The following MALT1 variants were observed in gnomAD, a reference collection of about 807,000 sequenced individuals.
MALT1 encodes MALT1 paracaspase, also known as mucosa-associated lymphoid tissue lymphoma translocation protein 1.
In MALT1, 36 loss-of-function variants were observed where a neutral mutation model predicts 85.5. The ratio of observed to expected loss-of-function variants is 0.42; its 90% confidence interval spans 0.32 to 0.56. The LOEUF (loss-of-function observed/expected upper bound fraction) is 0.56, where lower values mean the gene tolerates loss of function less well. Ranked by LOEUF, MALT1 falls within the 20% of genes least tolerant of loss-of-function variation. The pLI is 0.10. For synonymous variants in MALT1, 359 were observed against 361.3 expected (o/e 0.99, Z 0.07); for missense variants, 716 against 981.6 (o/e 0.73, Z 3.62).
At chr18:58,734,880 A>AT (rs2144465145) in intron 12 of MALT1, among the ~76,000 whole-genome samples, 2 of 152,356 alleles carry the variant, frequency 1.3e-5, no homozygotes, top group South Asian at 4.1e-4. Context: ...TTTTTAAAAA[A>AT]TTATTTTTAT....
intron 14 of MALT1, among the ~76,000 whole-genome samples, chr18:58,742,717 A>G (rs147207111): frequency 7.7e-4 from 117 of 152,312 alleles, no homozygotes; most frequent in African/African-American, 2.7e-3. Flanking sequence ...TGTCTCGAAA[A>G]GAAAAAGAAA....
At position 58,748,534 on chromosome 18, in the gene MALT1, A is replaced by G. The variant is rs2055404681; in HGVS notation, c.*692A>G. The stretch of plus-strand genomic sequence containing the variant: ...GAACAGGCTGAAATTTCTTGTTCAT[A>G]AGATTATGAAACCACATGAGAAGTG... On this transcript the variant is annotated 3_prime_UTR_variant, in exon 17 of 17. Coordinates refer to ENST00000649217, the MANE Select transcript of MALT1 (RefSeq NM_006785.4). 5.3e-6 allele frequency: 1 copy of G among 187,788 alleles called. No individual in the cohort carries two copies. Among genetic ancestry groups the G allele is most frequent in the East Asian group, 8.4e-5 (1 of 11,912 alleles). The allele number at this position is 187,788 out of a possible 1,614,324, so 11.6% of individuals were successfully genotyped here. A position where few individuals can be genotyped will look rare whatever the true frequency, so the allele number is the denominator to read the frequency against.
At chr18:58,746,977 G>A (rs1029094759) in intron 16 of MALT1, among the ~76,000 whole-genome samples, 16 of 152,084 alleles carry the variant, frequency 1.1e-4, no homozygotes, top group African/African-American at 2.7e-4. Flanking sequence ...ATCCATCTGC[G>A]TCATCCTCCC....
intron 10 of MALT1, among the ~76,000 whole-genome samples, chr18:58,728,711 G>A (rs2055101314): frequency 6.6e-6 from 1 of 152,126 alleles, no homozygotes; most frequent in Non-Finnish European, 1.5e-5. Flanking sequence ...CTTTGATACA[G>A]AATAGTTACA....
chr18:58,751,037 T>C lies in MALT1; in HGVS notation c.*3195T>C, dbSNP rs2055439182. The stretch of plus-strand genomic sequence containing the variant: ...GTTACCACCGAGCAGCACTGTCCAG[T>C]GAACTTGCTGTGATGATGGGATGCT... On this transcript the variant is annotated 3_prime_UTR_variant, in exon 17 of 17. Coordinates refer to ENST00000649217, the MANE Select transcript of MALT1 (RefSeq NM_006785.4). 6.6e-6 allele frequency: 1 copy of C among 152,242 alleles called. No homozygotes were observed. The highest frequency in any genetic ancestry group is 2.4e-5 in the African/African-American group (1 of 41,464). 9.4% of individuals were successfully genotyped at this position (152,242 alleles called of 1,614,324 possible).
At chr18:58,689,694 T>C (rs2054466877) in intron 2 of MALT1, among the ~76,000 whole-genome samples, 1 of 151,892 alleles carries the variant, frequency 6.6e-6, no homozygotes, top group South Asian at 2.1e-4. Flanking sequence ...GGTGGGAGGG[T>C]ACCTAATTTA....
chr18:58,692,442 C>T (rs1355939300), intron 2 of MALT1, among the ~76,000 whole-genome samples: 8 of 16,732 alleles, frequency 4.8e-4, no homozygotes, highest in Non-Finnish European at 9.4e-4. Flanking sequence ...CTCTCACTCT[C>T]TCCCTCCCTC....
At chr18:58,707,964 A>G (rs138112560) in intron 4 of MALT1, among the ~76,000 whole-genome samples, 2 of 152,272 alleles carry the variant, frequency 1.3e-5, no homozygotes, top group Non-Finnish European at 2.9e-5. Flanking sequence ...TCTCCACTTT[A>G]CATCCAGAGT....
chr18:58,742,468 AG>A (rs2055314427), intron 14 of MALT1, among the ~76,000 whole-genome samples: 1 of 152,300 alleles, frequency 6.6e-6, no homozygotes, highest in African/African-American at 2.4e-5. Flanking sequence ...GCACTTTGGG[AG>A]GCCAAGGCAG....
At position 58,748,100 on chromosome 18, in the gene MALT1, A is replaced by G. The variant is rs533728881; in HGVS notation, c.*258A>G. On this transcript the variant is annotated 3_prime_UTR_variant, in exon 17 of 17. Coordinates refer to ENST00000649217, the MANE Select transcript of MALT1 (RefSeq NM_006785.4). ...TGGAGGTGTGTATGTTTATATGTATATAACAAAATATTTTCATTGTGACCA... is the reference window on the plus strand; with the variant it reads ...TGGAGGTGTGTATGTTTATATGTATGTAACAAAATATTTTCATTGTGACCA... 93 of 413,686 alleles carry G rather than the reference A, an allele frequency of 2.2e-4. 8 individuals are homozygous for G. The South Asian group carries it at 2.8e-3, about 12-fold the overall frequency. The allele number at this position is 413,686 out of a possible 1,614,324, so 25.6% of individuals were successfully genotyped here.
chr18:58,752,547 G>T lies in MALT1; in HGVS notation c.*4705G>T, dbSNP rs4940750. On this transcript the variant is annotated 3_prime_UTR_variant, in exon 17 of 17. Coordinates refer to ENST00000649217, the MANE Select transcript of MALT1 (RefSeq NM_006785.4). ...TAATCCCAGCACTTCGGGAGACTGC[G>T]GTAAGCAGATCATTTGAACCCAGGA... 2 of 150,900 alleles carry T rather than the reference G, an allele frequency of 1.3e-5. No individual in the cohort carries two copies. Among genetic ancestry groups the T allele is most frequent in the Non-Finnish European group, 2.9e-5 (2 of 67,922 alleles). The allele number at this position is 150,900 out of a possible 1,614,324, so 9.3% of individuals were successfully genotyped here.
Position 58,733,437 on chromosome 18 carries a change from G to A in MALT1, c.1263G>A (p.Gly421=), listed in dbSNP as rs748332905. Residue 421 remains glycine (G), a synonymous_variant, in exon 11 of 17, where the codon GGG becomes GGA. Transcript: ENST00000649217. Reference sequence around the variant, plus strand: ...CAGGACATGGTTATGAAAATTTTGGGAACAGCTTCATGGTCCCCGTTGATG... The same window carrying A: ...CAGGACATGGTTATGAAAATTTTGGAAACAGCTTCATGGTCCCCGTTGATG... ...YYAGHGYENF[G]NSFMVPVDAP... 2 of 1,612,582 alleles carry A rather than the reference G, an allele frequency of 1.2e-6. No homozygotes were observed. The highest frequency in any genetic ancestry group is 1.7e-5 in the Admixed American group (1 of 59,740).
chr18:58,702,251 G>C (rs1482876650), intron 4 of MALT1, among the ~76,000 whole-genome samples: 1 of 149,960 alleles, frequency 6.7e-6, no homozygotes, highest in Admixed American at 6.7e-5. Context: ...GGGCCTGATG[G>C]TGCACACCTG....
At chr18:58,681,586 A>G (rs1047350494) in intron 2 of MALT1, among the ~76,000 whole-genome samples, 1 of 152,252 alleles carries the variant, frequency 6.6e-6, no homozygotes, top group Non-Finnish European at 1.5e-5. Context: ...TATTTGATAT[A>G]TTAAGTAATT....
intron 7 of MALT1, among the ~76,000 whole-genome samples, chr18:58,713,648 C>G (rs1374867050): frequency 6.6e-6 from 1 of 152,136 alleles, no homozygotes; most frequent in Non-Finnish European, 1.5e-5. Flanking sequence ...GACAAATACA[C>G]TAGGCTAACA....
intron 10 of MALT1, among the ~76,000 whole-genome samples, chr18:58,732,923 TA>T (rs201745984): frequency 6.6e-6 from 1 of 151,910 alleles, no homozygotes; most frequent in African/African-American, 2.4e-5. Context: ...TTTATTTATT[TA>T]TTTTGAGACA....
At chr18:58,680,943 A>T (rs1441516713) in intron 1 of MALT1, among the ~76,000 whole-genome samples, 2 of 151,410 alleles carry the variant, frequency 1.3e-5, no homozygotes, top group East Asian at 3.9e-4. Context: ...AAAAAAAAAA[A>T]AAAAAAAAAA....
At chr18:58,714,645 G>A (rs1225308067) in intron 8 of MALT1, among the ~76,000 whole-genome samples, 1 of 150,988 alleles carries the variant, frequency 6.6e-6, no homozygotes, top group East Asian at 1.9e-4. Flanking sequence ...GTTGTCAAGA[G>A]TATGTAGAAC....
At position 58,750,894 on chromosome 18, in the gene MALT1, T is replaced by G. The variant is rs2144501149; in HGVS notation, c.*3052T>G. 6.6e-6 allele frequency: 1 copy of G among 152,266 alleles called. No individual in the cohort carries two copies. The highest frequency in any genetic ancestry group is 2.1e-4 in the South Asian group (1 of 4,826). 9.4% of individuals were successfully genotyped at this position (152,266 alleles called of 1,614,324 possible). A position where few individuals can be genotyped will look rare whatever the true frequency, so the allele number is the denominator to read the frequency against. On this transcript the variant is annotated 3_prime_UTR_variant, in exon 17 of 17. Coordinates refer to ENST00000649217, the MANE Select transcript of MALT1 (RefSeq NM_006785.4). ...AAATGGGACTTCATCAAAATTAACT[T>G]TAGCGCCTTAAAGGACACCATTAAG... is the stretch of plus-strand genomic sequence containing the variant.
Sources: gnomAD v4.1 joint callset for allele counts (sites outside exome capture counted in the v4.1 genomes callset) on GRCh38, gnomAD v4.1.1 for gene constraint, MANE v1.5 for transcripts, NCBI Gene and HGNC (gene_info 2026-07-23, HGNC 2026-07-21) for gene names.